The following BCL3 variants were observed in gnomAD, a reference collection of about 807,000 sequenced individuals.
BCL3 encodes the protein B-cell lymphoma 3 protein.
BCL3 carries 15 observed loss-of-function variants against 35.7 expected under a neutral mutation model. The observed-to-expected ratio is 0.42, with a 90% CI of 0.28 to 0.65. The LOEUF (loss-of-function observed/expected upper bound fraction) is 0.65, where lower values mean the gene tolerates loss of function less well. BCL3 is among the 30% of genes least tolerant of loss of function. The pLI is 0.22. For synonymous variants in BCL3, 311 were observed against 284.3 expected (o/e 1.09, Z -0.95); for missense variants, 565 against 641.7 (o/e 0.88, Z 1.29).
At position 44,749,025 on chromosome 19, in the gene BCL3, C is replaced by G; in HGVS notation, c.235C>G (p.Pro79Ala). 7.3e-7 allele frequency: 1 copy of G among 1,361,260 alleles called. No individual in the cohort carries two copies. Among genetic ancestry groups the G allele is most frequent in the South Asian group, 1.7e-5 (1 of 59,964 alleles). The allele number at this position is 1,361,260 out of a possible 1,614,324, so 84.3% of individuals were successfully genotyped here. A position where few individuals can be genotyped will look rare whatever the true frequency, so the allele number is the denominator to read the frequency against. ...CGGGCCCCCCCACGGCCTGGCCCGGCCGGAGGCGCTTTACTACCCCGGTGA... is the reference window on the plus strand; with the variant it reads ...CGGGCCCCCCCACGGCCTGGCCCGGGCGGAGGCGCTTTACTACCCCGGTGA... ...VPGPPHGLAR[P>A]EALYYPGALL... The change falls in exon 1 of 9, where the codon CCG (proline) becomes GCG (alanine). Residue 79 changes from proline (P) to alanine (A), a missense_variant. By Grantham distance (27) the Pro-to-Ala change is conservative. This residue lies in a region of BCL3 where 267 missense variants were observed against 281.5 expected (regional missense o/e 0.95). Transcript: ENST00000164227.
rs1242395396 is a variant in BCL3 at position 44,759,726 on chromosome 19, G to A, written c.*111G>A. The A allele has an allele frequency of 6.7e-5, 41 of 611,552 alleles. No homozygotes were observed. Among genetic ancestry groups the A allele is most frequent in the African/African-American group, 3.8e-4 (17 of 44,190 alleles). 37.9% of individuals were successfully genotyped at this position (611,552 alleles called of 1,614,324 possible). A position where few individuals can be genotyped will look rare whatever the true frequency, so the allele number is the denominator to read the frequency against. ...CACTCTGCCCCCCCCCCCCATCTTC[G>A]GGACCAGGATTTGCACAGAAGCACA... On this transcript the variant is annotated 3_prime_UTR_variant, in exon 9 of 9. Coordinates refer to ENST00000164227, the MANE Select transcript of BCL3 (RefSeq NM_005178.5).
chr19:44,754,947 A>G (rs143759197), intron 2 of BCL3, among the ~76,000 whole-genome samples: 1 of 152,252 alleles, frequency 6.6e-6, no homozygotes, highest in Non-Finnish European at 1.5e-5. Context: ...TCTGCACTCC[A>G]TCAGAACCAC....
intron 2 of BCL3, among the ~76,000 whole-genome samples, chr19:44,753,877 C>T (rs1313546574): frequency 2.0e-5 from 3 of 150,230 alleles, no homozygotes; most frequent in Non-Finnish European, 4.4e-5. Flanking sequence ...AGTTGGGGAA[C>T]TGTATTCCTT....
Position 44,757,867 on chromosome 19 carries a change from G to A in BCL3, c.891+144G>A. On this transcript the variant is annotated intron_variant, in intron 6 of 8. Coordinates refer to ENST00000164227, the MANE Select transcript of BCL3 (RefSeq NM_005178.5). The surrounding 1 kb of genome is among the most constrained non-coding windows in gnomAD (Gnocchi z 8.4). ...TCCAGCTCTGATCCTTTAAGGCCTA[G>A]TTTTCTCGACCCTCGGGCTCCACGC... The A allele has an allele frequency of 1.2e-6, 1 of 803,504 alleles. No individual in the cohort carries two copies. Among genetic ancestry groups the A allele is most frequent in the South Asian group, 1.7e-5 (1 of 57,298 alleles). The allele number at this position is 803,504 out of a possible 1,614,324, so 49.8% of individuals were successfully genotyped here. A position where few individuals can be genotyped will look rare whatever the true frequency, so the allele number is the denominator to read the frequency against.
chr19:44,749,839 G>A (rs551543319), intron 1 of BCL3, among the ~76,000 whole-genome samples: 11 of 152,220 alleles, frequency 7.2e-5, no homozygotes, highest in African/African-American at 2.4e-4. Flanking sequence ...TTAGAGGCAG[G>A]ATGAAAATTT....
Position 44,759,643 on chromosome 19 carries a change from C to T in BCL3, c.*28C>T, listed in dbSNP as rs777870891. On this transcript the variant is annotated 3_prime_UTR_variant, in exon 9 of 9. Coordinates refer to ENST00000164227, the MANE Select transcript of BCL3 (RefSeq NM_005178.5). ...GGGATGGGGGGGCAGATCTTGGACT[C>T]ATGAGGAGGGGCCCCCCTGCCCTGT... is the stretch of plus-strand genomic sequence containing the variant. The T allele has an allele frequency of 6.4e-7, 1 of 1,559,856 alleles. No homozygotes were observed. The highest frequency in any genetic ancestry group is 8.6e-7 in the Non-Finnish European group (1 of 1,158,120).
In BCL3 at chr19:44,748,928, TC is replaced by T. The variant is rs1224986810; in HGVS notation, c.142del (p.Arg48AlafsTer57). On this transcript the variant is annotated frameshift_variant, in exon 1 of 9. Transcript: ENST00000164227. LOFTEE classifies it high-confidence loss of function. ...LRAPSPEPAA[P>X]RGAAGLVVPL... ...GCGCGCCCTCCCCGGAGCCCGCCGC[TC>T]CCCGCGGCGCTGCGGGCCTTGTCGT... The T allele has an allele frequency of 8.4e-7, 1 of 1,190,732 alleles. No individual in the cohort carries two copies. The highest frequency in any genetic ancestry group is 1.0e-6 in the Non-Finnish European group (1 of 961,788). 73.8% of individuals were successfully genotyped at this position (1,190,732 alleles called of 1,614,324 possible).
At chr19:44,758,201 C>G (rs777776029) in intron 6 of BCL3, 45 bp from the exon 7 acceptor site, 2 of 1,431,116 alleles carry the variant, frequency 1.4e-6, no homozygotes, top group Non-Finnish European at 1.8e-6. Flanking sequence ...TCCCTTACCC[C>G]GGGTGGCCCG....
chr19:44,758,213 G>A (rs774450925), intron 6 of BCL3, 33 bp from the exon 7 acceptor site: 13 of 1,444,466 alleles, frequency 9.0e-6, no homozygotes, highest in Non-Finnish European at 1.2e-5. Flanking sequence ...GGTGGCCCGC[G>A]CGCCCTCCTG....
Position 44,757,774 on chromosome 19 carries a change from C to G in BCL3, c.891+51C>G, listed in dbSNP as rs73570138. ...CGCCCACCCTATCCTCTGACCCCAA[C>G]CCGGCTCTGGCCTCAGCCCCTAGCT... On this transcript the variant is annotated intron_variant, in intron 6 of 8. Coordinates refer to ENST00000164227, the MANE Select transcript of BCL3 (RefSeq NM_005178.5). The surrounding 1 kb of genome is among the most constrained non-coding windows in gnomAD (Gnocchi z 8.4). 62 of 1,572,018 alleles carry G rather than the reference C, an allele frequency of 3.9e-5. No homozygotes were observed. The African/African-American group carries it at 4.9e-4, about 12-fold the overall frequency.
chr19:44,758,609 A>G (rs1967346562), intron 7 of BCL3, 115 bp from the exon 8 acceptor site: 1 of 1,259,450 alleles, frequency 7.9e-7, no homozygotes, highest in Non-Finnish European at 1.1e-6. Flanking sequence ...TGCCTTGCCC[A>G]TCTTTTCATA....
At position 44,759,755 on chromosome 19, in the gene BCL3, A is replaced by C. The variant is rs1967391047; in HGVS notation, c.*140A>C. 1 of 525,030 alleles carries C rather than the reference A, an allele frequency of 1.9e-6. No individual in the cohort carries two copies. The highest frequency in any genetic ancestry group is 3.9e-5 in the Admixed American group (1 of 25,940). 32.5% of individuals were successfully genotyped at this position (525,030 alleles called of 1,614,324 possible). On this transcript the variant is annotated 3_prime_UTR_variant, in exon 9 of 9. Coordinates refer to ENST00000164227, the MANE Select transcript of BCL3 (RefSeq NM_005178.5). ...CCAGGATTTGCACAGAAGCACATGC[A>C]CCTACCCATACACCCCCTCTTCTGA...
upstream of BCL3, chr19:44,748,146 T>C: frequency 1.6e-6 from 2 of 1,244,592 alleles, no homozygotes; most frequent in Non-Finnish European, 2.1e-6. Flanking sequence ...GGAACCGAGA[T>C]TCCAAACCCC....
rs756684699 is a variant in BCL3, at chr19:44,757,310, G to A, written c.725-17G>A. 1.7e-5 allele frequency: 27 copies of A among 1,591,340 alleles called. No individual in the cohort carries two copies. Among genetic ancestry groups the A allele is most frequent in the South Asian group, 1.6e-4 (14 of 87,780 alleles). On this transcript the variant is annotated splice_polypyrimidine_tract_variant and intron_variant, in intron 4 of 8. Transcript: ENST00000164227. This position sits in a 1 kb window ranked among gnomAD's most constrained non-coding sequence, Gnocchi z 8.4. The stretch of plus-strand genomic sequence containing the variant: ...AAAGCCCGGGCCTAGGTTTCACCGA[G>A]CCCTCCTCTCCCTCAGGGCTCACCG...
chr19:44,759,069 T>C (rs1216942543), intron 8 of BCL3, among the ~76,000 whole-genome samples: 1 of 22,880 alleles, frequency 4.4e-5, no homozygotes, highest in East Asian at 1.7e-3. Flanking sequence ...CCCTCAGACC[T>C]CAGCCCCTCC....
rs375392853 is a variant in BCL3 at position 44,759,434 on chromosome 19, T to C, written c.1184T>C (p.Leu395Pro). The C allele has an allele frequency of 6.2e-7, 1 of 1,602,626 alleles. No individual in the cohort carries two copies. The highest frequency in any genetic ancestry group is 8.5e-7 in the Non-Finnish European group (1 of 1,174,930). ...GTCTCTCTTCCTTCCTCAGGTCTTC[T>C]CTCCGCATCACCATCCTCCTCACCC... The part of the protein sequence containing the change: ...SSSRLSSNGL[L>P]SASPSSSPSQ... Residue 395 changes from leucine to proline, a missense_variant, in exon 9 of 9, where the codon CTC becomes CCC. Leu to Pro is a moderately conservative substitution (Grantham distance 98). Transcript: ENST00000164227.
At chr19:44,758,891 CA>C in intron 8 of BCL3, 50 bp downstream of exon 8, 1 of 1,435,658 alleles carries the variant, frequency 7.0e-7, no homozygotes, top group Non-Finnish European at 9.4e-7. Context: ...CCCTCAGACC[CA>C]GGAATCCCAA....
chr19:44,751,496 G>C (rs1639325420), intron 2 of BCL3, 116 bp downstream of exon 2: 2 of 1,132,692 alleles, frequency 1.8e-6, no homozygotes, highest in Non-Finnish European at 2.4e-6. Flanking sequence ...ACCACAGGCT[G>C]TGTGACCTTG....
Position 44,759,634 on chromosome 19 carries a change from T to A in BCL3, c.*19T>A, listed in dbSNP as rs756591432. ...CAGCTGAGGGGGATGGGGGGGCAGA[T>A]CTTGGACTCATGAGGAGGGGCCCCC... is the stretch of plus-strand genomic sequence containing the variant. On this transcript the variant is annotated 3_prime_UTR_variant, in exon 9 of 9. Transcript: ENST00000164227. The A allele has an allele frequency of 6.3e-7, 1 of 1,584,210 alleles. No homozygotes were observed. Among genetic ancestry groups the A allele is most frequent in the South Asian group, 1.1e-5 (1 of 89,368 alleles).
Sources: allele counts gnomAD v4.1 joint callset (sites outside exome capture counted in the v4.1 genomes callset), GRCh38; gene constraint gnomAD v4.1.1; regional missense constraint gnomAD v4.1.1; non-coding constraint Gnocchi (gnomAD v3.1); transcripts MANE v1.5; gene names NCBI Gene and HGNC (gene_info 2026-07-23, HGNC 2026-07-21).